F11R: variants seen among roughly 807,000 people sequenced by gnomAD.
The protein encoded by F11R is F11 receptor.
F11R carries 27 observed loss-of-function variants against 39.3 expected under a neutral mutation model. The observed-to-expected ratio is 0.69, with a 90% CI of 0.51 to 0.95. F11R has a LOEUF of 0.95. F11R is among the 40% of genes least tolerant of loss of function. The probability of loss-of-function intolerance (pLI) is 0.00; values close to 1 mark genes in which losing one functional copy is unlikely to be tolerated. For synonymous variants in F11R, 131 were observed against 144.9 expected (o/e 0.90, Z 0.69); for missense variants, 335 against 372.7 (o/e 0.90, Z 0.83).
intron 1 of F11R, among the ~76,000 whole-genome samples, chr1:161,008,330 C>T (rs1440236396): frequency 6.6e-6 from 1 of 152,018 alleles, no homozygotes. Context: ...CCCATCTCTA[C>T]TAAAAATACA....
At chr1:161,008,710 G>A (rs745616528) in intron 1 of F11R, among the ~76,000 whole-genome samples, 104 of 152,302 alleles carry the variant, frequency 6.8e-4, no homozygotes, top group Admixed American at 4.7e-3. Context: ...AAGTAACTTG[G>A]CTAAGGCCAC....
chr1:161,000,109 AT>A, intron 5 of F11R, 36 bp downstream of exon 5: 2 of 1,609,754 alleles, frequency 1.2e-6, no homozygotes, highest in Non-Finnish European at 1.7e-6. Flanking sequence ...CTATAACTGC[AT>A]CCCCCACACA....
intron 1 of F11R, among the ~76,000 whole-genome samples, chr1:161,018,970 T>C (rs115363772): frequency 1.4e-3 from 208 of 152,184 alleles, no homozygotes; most frequent in African/African-American, 4.5e-3. Flanking sequence ...AGGATTATCA[T>C]AAATAATATA....
intron 1 of F11R, among the ~76,000 whole-genome samples, chr1:161,002,031 CGAG>C (rs751877144): frequency 5.3e-5 from 8 of 151,802 alleles, no homozygotes; most frequent in Non-Finnish European, 5.9e-5. Flanking sequence ...TTTGGGAGGC[CGAG>C]GTGGGGAGGT....
rs1333118300 is a variant in F11R at position 160,997,788 on chromosome 1, CA to C, written c.*1082del. 1 of 153,012 alleles carries C rather than the reference CA, an allele frequency of 6.5e-6. No homozygotes were observed. The highest frequency in any genetic ancestry group is 1.5e-5 in the Non-Finnish European group (1 of 68,108). 9.5% of individuals were successfully genotyped at this position (153,012 alleles called of 1,614,324 possible). ...ACCAAAGAGCTAAGAAGCCCTCCAA[CA>C]CACGCCCAATTTCAGCATACAGCTA... On this transcript the variant is annotated 3_prime_UTR_variant, in exon 10 of 10. Transcript: ENST00000368026.
chr1:161,020,505 C>T (rs1649699737), intron 1 of F11R, among the ~76,000 whole-genome samples: 1 of 152,268 alleles, frequency 6.6e-6, no homozygotes, highest in South Asian at 2.1e-4. Flanking sequence ...GAGCCAGAGA[C>T]TCCTTCAGCA....
At chr1:161,016,773 G>A (rs1360751952) in intron 1 of F11R, among the ~76,000 whole-genome samples, 1 of 152,166 alleles carries the variant, frequency 6.6e-6, no homozygotes, top group Non-Finnish European at 1.5e-5. Flanking sequence ...CCAGTTTCTA[G>A]TTTGGAGGGA....
chr1:161,000,398 G>C, intron 4 of F11R, 50 bp from the exon 5 acceptor site: 2 of 1,576,536 alleles, frequency 1.3e-6, no homozygotes, highest in Non-Finnish European at 1.7e-6. Flanking sequence ...GGGGCTGCTT[G>C]AGTCTAAGTA....
Position 161,021,111 on chromosome 1 carries a change from T to G in F11R, c.-38A>C. On this transcript the variant is annotated 5_prime_UTR_variant, in exon 1 of 10. Transcript: ENST00000368026. ...CCCGACACAACAGCCGCCGAAGGAC[T>G]CCTGGGAACAGACACAGCTCCGCGA... 2 of 1,585,412 alleles carry G rather than the reference T, an allele frequency of 1.3e-6. No homozygotes were observed. Among genetic ancestry groups the G allele is most frequent in the Non-Finnish European group, 1.7e-6 (2 of 1,155,560 alleles).
intron 1 of F11R, among the ~76,000 whole-genome samples, chr1:161,002,812 A>G (rs542967479): frequency 2.0e-5 from 3 of 152,178 alleles, no homozygotes; most frequent in East Asian, 1.9e-4. Context: ...TTTAGATAAT[A>G]TTTGTATACC....
At chr1:161,019,601 A>C (rs895261021) in intron 1 of F11R, among the ~76,000 whole-genome samples, 1 of 152,048 alleles carries the variant, frequency 6.6e-6, no homozygotes, top group African/African-American at 2.4e-5. Context: ...CTCAAAAAAA[A>C]AAAAAAAAAA....
intron 1 of F11R, among the ~76,000 whole-genome samples, chr1:161,005,415 T>C (rs1268307081): frequency 2.3e-5 from 1 of 42,766 alleles, no homozygotes; most frequent in Non-Finnish European, 4.3e-5. Context: ...TGGGCTCAAG[T>C]GACCCACCTC....
chr1:161,006,329 T>C (rs531779130), intron 1 of F11R, among the ~76,000 whole-genome samples: 2 of 152,172 alleles, frequency 1.3e-5, no homozygotes, highest in East Asian at 3.9e-4. Flanking sequence ...ATTATTGACA[T>C]CTCAGAGTCA....
At chr1:161,000,471 C>T (rs2101968148) in intron 4 of F11R, 123 bp from the exon 5 acceptor site, 1 of 1,388,870 alleles carries the variant, frequency 7.2e-7, no homozygotes, top group Non-Finnish European at 1.0e-6. Flanking sequence ...ATGCCCCTGG[C>T]TGCCACCTAA....
At chr1:161,005,217 C>A (rs1006495903) in intron 1 of F11R, among the ~76,000 whole-genome samples, 1 of 144,252 alleles carries the variant, frequency 6.9e-6, no homozygotes, top group South Asian at 2.2e-4. Context: ...GGAAATTAAA[C>A]CAAATAGCTT....
intron 1 of F11R, among the ~76,000 whole-genome samples, chr1:161,008,884 A>C (rs541694728): frequency 6.6e-6 from 1 of 152,282 alleles, no homozygotes; most frequent in African/African-American, 2.4e-5. Context: ...TTTTTCTGCA[A>C]GCTAAGAAAG....
chr1:161,007,325 C>T (rs1474516218), intron 1 of F11R, among the ~76,000 whole-genome samples: 2 of 146,018 alleles, frequency 1.4e-5, no homozygotes, highest in East Asian at 2.1e-4. Flanking sequence ...ATTAACCAGG[C>T]GTGGTGGTGC....
chr1:161,020,697 G>A (rs1329507390), intron 1 of F11R, among the ~76,000 whole-genome samples: 2 of 152,216 alleles, frequency 1.3e-5, no homozygotes, highest in Non-Finnish European at 2.9e-5. Flanking sequence ...GAGTGTGGAA[G>A]GGTCCTTGGC....
rs776952240 is a variant in F11R at position 160,999,681 on chromosome 1, AC to A, written c.760del (p.Val254PhefsTer25). 6.2e-7 allele frequency: 1 copy of A among 1,614,158 alleles called. No individual in the cohort carries two copies. Among genetic ancestry groups the A allele is most frequent in the Non-Finnish European group, 8.5e-7 (1 of 1,180,030 alleles). The part of the protein sequence containing the change: ...LVTLILLGIL[V>X]FGIWFAYSRG... ...GCTATAGGCAAACCAGATGCCAAAA[AC>A]CAAGATTCCCAGGAGAATCAGGGTT... On this transcript the variant is annotated frameshift_variant, in exon 7 of 10. Coordinates refer to ENST00000368026, the MANE Select transcript of F11R (RefSeq NM_016946.6). LOFTEE classifies it high-confidence loss of function.
Sources: allele counts gnomAD v4.1 joint callset (sites outside exome capture counted in the v4.1 genomes callset), GRCh38; gene constraint gnomAD v4.1.1; transcripts MANE v1.5; gene names NCBI Gene and HGNC (gene_info 2026-07-23, HGNC 2026-07-21).